Variants in FCHSD2 observed in about 807,000 individuals in gnomAD.
FCHSD2 encodes FCH and double SH3 domains 2.
A neutral mutation model predicts 108.1 loss-of-function variants in FCHSD2; 38 were observed. The observed-to-expected ratio is 0.35, with a 90% CI of 0.27 to 0.46. The LOEUF (loss-of-function observed/expected upper bound fraction) is 0.46, where lower values mean the gene tolerates loss of function less well. FCHSD2 is among the 20% of genes least tolerant of loss of function. FCHSD2 has a pLI of 1.00. For missense variants in FCHSD2, 751 were observed against 897.8 expected (o/e 0.84, Z 2.09); for synonymous variants, 279 against 314.7 (o/e 0.89, Z 1.20).
intron 7 of FCHSD2, among the ~76,000 whole-genome samples, chr11:72,984,609 G>A (rs577293793): frequency 2.8e-4 from 43 of 152,316 alleles, no homozygotes; most frequent in African/African-American, 9.9e-4. Flanking sequence ...CAGATGAACT[G>A]CATGCTAGTT....
intron 2 of FCHSD2, among the ~76,000 whole-genome samples, chr11:73,084,603 G>A (rs939784672): frequency 9.9e-5 from 15 of 152,154 alleles, no homozygotes; most frequent in African/African-American, 3.6e-4. Context: ...ATGTTTCCCA[G>A]ACTGGTCTCG....
chr11:73,065,118 G>T (rs1363274035), intron 3 of FCHSD2, among the ~76,000 whole-genome samples: 1 of 152,064 alleles, frequency 6.6e-6, no homozygotes, highest in Non-Finnish European at 1.5e-5. Flanking sequence ...ATAAAACACT[G>T]GCAAACCAAA....
intron 6 of FCHSD2, among the ~76,000 whole-genome samples, chr11:72,985,905 C>T (rs946565589): frequency 6.6e-6 from 1 of 151,978 alleles, no homozygotes; most frequent in Non-Finnish European, 1.5e-5. Flanking sequence ...TTTTTTAAAG[C>T]TGCAATGTTT....
chr11:72,846,443 G>A (rs550973572), intron 14 of FCHSD2, among the ~76,000 whole-genome samples: 9 of 152,258 alleles, frequency 5.9e-5, no homozygotes, highest in African/African-American at 1.9e-4. Context: ...GCCCCGCAAC[G>A]TGCTGGGATT....
chr11:72,994,339 T>C (rs1857480054), intron 5 of FCHSD2, among the ~76,000 whole-genome samples: 1 of 151,940 alleles, frequency 6.6e-6, no homozygotes, highest in Non-Finnish European at 1.5e-5. Context: ...TTTCGTACTT[T>C]ACAGGTATTA....
chr11:72,973,366 T>G (rs75217445), intron 8 of FCHSD2, among the ~76,000 whole-genome samples: 3,703 of 147,180 alleles, frequency 0.025, 148 homozygotes, highest in African/African-American at 0.089. Context: ...AAGCTCCATC[T>G]CAAAAAAAAA....
At chr11:73,013,099 T>A (rs1303994915) in intron 4 of FCHSD2, among the ~76,000 whole-genome samples, 1 of 152,148 alleles carries the variant, frequency 6.6e-6, no homozygotes, top group Non-Finnish European at 1.5e-5. Context: ...TCCATTACGT[T>A]CTGAATAAAA....
At position 72,997,557 on chromosome 11, in the gene FCHSD2, T is replaced by A. The variant is rs907395124; in HGVS notation, c.387+3433A>T. Among the ~76,000 whole-genome samples the A allele has an allele frequency of 3.3e-5, 5 of 152,154 alleles. No individual in the cohort carries two copies. The South Asian group carries it at 8.3e-4, about 25-fold the overall frequency. ...ACCTACAGTAATTCAGATAGTGAAA[T>A]TATATAATAGAGATCAGTAGTAACA... On this transcript the variant is annotated intron_variant, in intron 5 of 19. Coordinates refer to ENST00000409418, the MANE Select transcript of FCHSD2 (RefSeq NM_014824.3).
chr11:73,046,793 G>A (rs117174420), intron 3 of FCHSD2, among the ~76,000 whole-genome samples: 1 of 152,226 alleles, frequency 6.6e-6, no homozygotes, highest in East Asian at 1.9e-4. Flanking sequence ...ATGTTGCCCA[G>A]GCTGGTCTTG....
intron 3 of FCHSD2, among the ~76,000 whole-genome samples, chr11:73,035,500 C>T (rs1371376202): frequency 1.3e-5 from 2 of 151,940 alleles, no homozygotes; most frequent in East Asian, 3.9e-4. Context: ...ATGTCCTCAT[C>T]TCAGAAATAA....
chr11:72,890,904 A>T (rs751412594), intron 10 of FCHSD2, among the ~76,000 whole-genome samples: 187 of 152,290 alleles, frequency 1.2e-3, no homozygotes, highest in Middle Eastern at 3.4e-3. Context: ...AATTTTTTTT[A>T]AAATATAAAT....
At chr11:73,011,505 T>G (rs886974195) in intron 4 of FCHSD2, among the ~76,000 whole-genome samples, 2 of 152,166 alleles carry the variant, frequency 1.3e-5, no homozygotes, top group Non-Finnish European at 2.9e-5. Flanking sequence ...ACTTCTCTTG[T>G]GGTTTAGCCC....
At chr11:72,947,047 T>C (rs557455660) in intron 8 of FCHSD2, among the ~76,000 whole-genome samples, 1 of 152,350 alleles carries the variant, frequency 6.6e-6, no homozygotes, top group East Asian at 1.9e-4. Context: ...CAGGTGAGAT[T>C]CAGGTCCAAG....
intron 3 of FCHSD2, among the ~76,000 whole-genome samples, chr11:73,059,242 T>C (rs1400543859): frequency 1.3e-5 from 2 of 152,072 alleles, no homozygotes; most frequent in East Asian, 3.8e-4. Context: ...GACTTTACAT[T>C]ACACTGTGTG....
intron 3 of FCHSD2, among the ~76,000 whole-genome samples, chr11:73,046,984 A>T (rs570913494): frequency 5.9e-5 from 9 of 152,298 alleles, no homozygotes; most frequent in Admixed American, 3.3e-4. Flanking sequence ...CTGTCAATAA[A>T]ATGAGGTCTT....
intron 3 of FCHSD2, among the ~76,000 whole-genome samples, chr11:73,041,658 G>T (rs1346298387): frequency 6.6e-6 from 1 of 151,966 alleles, no homozygotes; most frequent in African/African-American, 2.4e-5. Flanking sequence ...TTTATTAAAC[G>T]AATACTTGCA....
At chr11:72,954,757 G>A (rs7937866) in intron 8 of FCHSD2, among the ~76,000 whole-genome samples, 151,686 of 152,162 alleles carry the variant, frequency 1, 75,606 homozygotes, top group Middle Eastern at 1. Flanking sequence ...ATGAAAGCCA[G>A]ATTTATCAAT....
At chr11:72,899,827 G>A (rs1279495974) in intron 10 of FCHSD2, among the ~76,000 whole-genome samples, 2 of 147,130 alleles carry the variant, frequency 1.4e-5, no homozygotes, top group African/African-American at 2.5e-5. Context: ...TTTCCATTAT[G>A]AAAAAACTAA....
intron 3 of FCHSD2, among the ~76,000 whole-genome samples, chr11:73,037,609 C>T (rs1858529679): frequency 6.6e-6 from 1 of 152,266 alleles, no homozygotes. Flanking sequence ...ATTCTAATCC[C>T]ACTTACCATG....
Sources: allele counts gnomAD v4.1 joint callset (sites outside exome capture counted in the v4.1 genomes callset), GRCh38; gene constraint gnomAD v4.1.1; transcripts MANE v1.5; gene names NCBI Gene and HGNC (gene_info 2026-07-23, HGNC 2026-07-21).